ZNF10: variants seen among roughly 807,000 people sequenced by gnomAD.
The protein encoded by ZNF10 is zinc finger protein 10 (KOX 1).
A neutral mutation model predicts 12.2 loss-of-function variants in ZNF10; 8 were observed. That is an observed-to-expected ratio of 0.66 (90% confidence interval 0.39 to 1.18). The LOEUF (loss-of-function observed/expected upper bound fraction) is 1.18, where lower values mean the gene tolerates loss of function less well. Among genes scored for constraint, ZNF10 ranks in the 50% most tolerant of loss-of-function variants. The pLI is 0.01. For missense variants in ZNF10, 603 were observed against 678.9 expected, an observed-to-expected ratio of 0.89 and a Z score of 1.24; for synonymous variants, 229 against 228.2, an observed-to-expected ratio of 1.00 and a Z score of -0.03.
In ZNF10 at chr12:133,145,820, CA is replaced by C. The variant is rs1364489066; in HGVS notation, c.33+1300del. ...ACTCTGTCCCACCCCCCCACCCCCA[CA>C]AAAAGAAAAAAACAAAAAAAACACA... On this transcript the variant is annotated intron_variant, in intron 2 of 4. Transcript: ENST00000248211. Among the ~76,000 whole-genome samples the C allele has an allele frequency of 2.1e-5, 3 of 143,916 alleles. No individual in the cohort carries two copies. The East Asian group carries it at 6.4e-4, about 30-fold the overall frequency. 94.4% of individuals were successfully genotyped at this position (143,916 alleles called of 152,430 possible).
intron 2 of ZNF10, among the ~76,000 whole-genome samples, chr12:133,145,751 G>C (rs1238176628): frequency 6.6e-6 from 1 of 152,060 alleles, no homozygotes; most frequent in Non-Finnish European, 1.5e-5. Context: ...GTTGCAGTGA[G>C]CCAAGATCAT....
At chr12:133,151,190 C>G in intron 3 of ZNF10, 36 bp downstream of exon 3, 1 of 1,593,754 alleles carries the variant, frequency 6.3e-7, no homozygotes, top group South Asian at 1.1e-5. Flanking sequence ...TTTTGGTTCT[C>G]CATTGATCAA....
intron 2 of ZNF10, among the ~76,000 whole-genome samples, chr12:133,149,706 T>G (rs772089001): frequency 6.6e-6 from 1 of 151,966 alleles, no homozygotes; most frequent in Non-Finnish European, 1.5e-5. Flanking sequence ...TTAATTGTTA[T>G]GTTTAGACCA....
chr12:133,153,687 C>T (rs553755114), intron 4 of ZNF10, among the ~76,000 whole-genome samples: 2 of 152,226 alleles, frequency 1.3e-5, no homozygotes, highest in African/African-American at 4.8e-5. Context: ...CCAGGCCTGG[C>T]ACAGGGATCA....
At chr12:133,137,148 C>G (rs1955916941) in intron 1 of ZNF10, among the ~76,000 whole-genome samples, 1 of 152,224 alleles carries the variant, frequency 6.6e-6, no homozygotes, top group African/African-American at 2.4e-5. Context: ...TCTACCTGCT[C>G]TCCATTTCTA....
chr12:133,149,448 C>T (rs1351370223), intron 2 of ZNF10, among the ~76,000 whole-genome samples: 4 of 147,526 alleles, frequency 2.7e-5, no homozygotes, highest in African/African-American at 1.0e-4. Context: ...ACATCTGGCT[C>T]CTGGGTTCAA....
intron 1 of ZNF10, among the ~76,000 whole-genome samples, chr12:133,136,609 A>T (rs1955913420): frequency 6.6e-6 from 1 of 150,832 alleles, no homozygotes; most frequent in African/African-American, 2.4e-5. Context: ...TTTTATGCCA[A>T]GGTTTCATCT....
At chr12:133,149,988 A>C (rs542877567) in intron 2 of ZNF10, among the ~76,000 whole-genome samples, 36 of 152,334 alleles carry the variant, frequency 2.4e-4, no homozygotes, top group Non-Finnish European at 4.6e-4. Context: ...GAAGCCTTAC[A>C]ACATGTGGGT....
At position 133,156,292 on chromosome 12, in the gene ZNF10, A is replaced by T. The variant is rs1956040953; in HGVS notation, c.1046A>T (p.Tyr349Phe). 6.2e-7 allele frequency: 1 copy of T among 1,614,048 alleles called. No homozygotes were observed. The highest frequency in any genetic ancestry group is 1.3e-5 in the African/African-American group (1 of 74,938). The change falls in exon 5 of 5, where the codon TAC (tyrosine) becomes TTC (phenylalanine). Residue 349 changes from tyrosine (Y) to phenylalanine (F), a missense_variant. Tyr to Phe is a conservative substitution (Grantham distance 22). This residue lies in a region of ZNF10 where 204 missense variants were observed against 262.8 expected (regional missense o/e 0.78). Transcript: ENST00000248211. The part of the protein sequence containing the change: ...HQRTHTGDKL[Y>F]TCNQCGKSFV... Reference sequence around the variant, plus strand: ...AGAACTCATACAGGAGACAAACTGTACACATGTAATCAGTGTGGGAAATCT... The same window carrying T: ...AGAACTCATACAGGAGACAAACTGTTCACATGTAATCAGTGTGGGAAATCT...
intron 1 of ZNF10, among the ~76,000 whole-genome samples, chr12:133,131,863 TTATA>T (rs1446162904): frequency 1.3e-5 from 2 of 152,206 alleles, no homozygotes; most frequent in African/African-American, 4.8e-5. Context: ...TATCAGTATT[TTATA>T]TAAGCACTGT....
intron 1 of ZNF10, among the ~76,000 whole-genome samples, chr12:133,138,067 C>A (rs1955922864): frequency 6.6e-6 from 1 of 152,056 alleles, no homozygotes; most frequent in Non-Finnish European, 1.5e-5. Flanking sequence ...AATCCTTAAT[C>A]CCTTCTCAGA....
At chr12:133,147,635 C>T (rs1416820104) in intron 2 of ZNF10, among the ~76,000 whole-genome samples, 5 of 123,042 alleles carry the variant, frequency 4.1e-5, no homozygotes, top group South Asian at 5.2e-4. Context: ...TTTTGGGAGA[C>T]GGAGTCTTGC....
chr12:133,145,618 G>C lies in ZNF10; in HGVS notation c.33+1093G>C, dbSNP rs566570623. 7.2e-5 allele frequency among the ~76,000 whole-genome samples: 11 copies of C among 151,954 alleles called. No individual in the cohort carries two copies. In the East Asian group the frequency reaches 2.1e-3, roughly 29 times the overall value. On this transcript the variant is annotated intron_variant, in intron 2 of 4. Coordinates refer to ENST00000248211, the MANE Select transcript of ZNF10 (RefSeq NM_015394.5). ...GAGGTCAGGAGTTTGAGAACAGCACGGCCAACATGGTAAGACCCTGTCTCT... is the reference window on the plus strand; with the variant it reads ...GAGGTCAGGAGTTTGAGAACAGCACCGCCAACATGGTAAGACCCTGTCTCT...
In ZNF10 at chr12:133,155,989, C is replaced by T. The variant is rs1199985161; in HGVS notation, c.743C>T (p.Thr248Ile). The change falls in exon 5 of 5, where the codon ACT (threonine) becomes ATT (isoleucine). Residue 248 changes from threonine to isoleucine, a missense_variant. Coordinates refer to ENST00000248211, the MANE Select transcript of ZNF10 (RefSeq NM_015394.5). The part of the protein sequence containing the change: ...YKCPDNDNSL[T>I]HGSSLGISKG... The stretch of plus-strand genomic sequence containing the variant: ...TGCCCTGATAATGACAACTCTCTTA[C>T]TCATGGTTCATCTCTTGGTATATCA... 1.9e-6 allele frequency: 3 copies of T among 1,613,956 alleles called. No individual in the cohort carries two copies. Among genetic ancestry groups the T allele is most frequent in the East Asian group, 2.2e-5 (1 of 44,868 alleles).
At chr12:133,148,340 C>T (rs988957656) in intron 2 of ZNF10, among the ~76,000 whole-genome samples, 7 of 152,118 alleles carry the variant, frequency 4.6e-5, no homozygotes, top group African/African-American at 1.2e-4. Flanking sequence ...AGGCTAGTCT[C>T]GAACTCCTGA....
chr12:133,151,787 C>A, intron 3 of ZNF10, 22 bp from the exon 4 acceptor site: 1 of 1,606,536 alleles, frequency 6.2e-7, no homozygotes, highest in South Asian at 1.1e-5. Context: ...TTACCCTGTT[C>A]TTTGTCTTTC....
At chr12:133,147,536 T>C (rs114595536) in intron 2 of ZNF10, among the ~76,000 whole-genome samples, 3,085 of 152,040 alleles carry the variant, frequency 0.02, 110 homozygotes, top group African/African-American at 0.071. Context: ...TATTACCAAC[T>C]ACCTATATTC....
At chr12:133,142,686 T>C (rs1165088180) in intron 1 of ZNF10, among the ~76,000 whole-genome samples, 3 of 151,908 alleles carry the variant, frequency 2.0e-5, no homozygotes, top group East Asian at 3.9e-4. Flanking sequence ...TAAAAAAAAA[T>C]AGAATAACAA....
rs207473570 is a variant in ZNF10 at position 133,156,749 on chromosome 12, G to T, written c.1503G>T (p.Lys501Asn). Residue 501 changes from lysine to asparagine, a missense_variant, in exon 5 of 5, where the codon AAG becomes AAT. Around this residue, in one of 3 missense-constraint regions of ZNF10, gnomAD observed 204 missense variants for 262.8 expected, o/e 0.78. Coordinates refer to ENST00000248211, the MANE Select transcript of ZNF10 (RefSeq NM_015394.5). ...CCQCGKAFIR[K>N]NDLIKHQRIH... ...AGTGTGGGAAAGCCTTCATCCGGAA[G>T]AATGACCTCATTAAGCACCAGAGAA... 1 of 1,606,636 alleles carries T rather than the reference G, an allele frequency of 6.2e-7. No individual in the cohort carries two copies. Among genetic ancestry groups the T allele is most frequent in the Non-Finnish European group, 8.5e-7 (1 of 1,177,336 alleles).
Sources: allele counts gnomAD v4.1 joint callset (sites outside exome capture counted in the v4.1 genomes callset), GRCh38; gene constraint gnomAD v4.1.1; regional missense constraint gnomAD v4.1.1; transcripts MANE v1.5; gene names NCBI Gene and HGNC (gene_info 2026-07-23, HGNC 2026-07-21).